The following C16orf96 variants were observed in gnomAD, a reference collection of about 807,000 sequenced individuals.
C16orf96 encodes chromosome 16 open reading frame 96.
Under a neutral mutation model 103.6 loss-of-function variants are expected in C16orf96, and 108 were observed. The ratio of observed to expected loss-of-function variants is 1.04; its 90% CI spans 0.89 to 1.22. The LOEUF is 1.22. Ranked by LOEUF, C16orf96 falls within the 50% of genes most tolerant of loss-of-function variation. C16orf96 has a pLI of 0.00. For synonymous variants in C16orf96, 566 were observed against 593.5 expected, an observed-to-expected ratio of 0.95 and a Z score of 0.67; for missense variants, 1,586 against 1,464.2, an observed-to-expected ratio of 1.08 and a Z score of -1.36.
chr16:4,547,624 TTCTC>T, the C16orf96 span, among the ~76,000 whole-genome samples: 1 of 150,726 alleles, frequency 6.6e-6, no homozygotes, highest in Non-Finnish European at 1.5e-5. Context: ...CTTTCTTTCT[TTCTC>T]TTTCTTTCTG....
the C16orf96 span, among the ~76,000 whole-genome samples, chr16:4,541,060 C>A: frequency 5.3e-5 from 8 of 152,070 alleles, no homozygotes; most frequent in Middle Eastern, 3.4e-3. Flanking sequence ...ACTATAGGTA[C>A]CTGCTACCAC....
Position 4,576,594 on chromosome 16 carries a change from C to A in C16orf96, c.2114C>A (p.Ala705Asp). 1.9e-6 allele frequency: 3 copies of A among 1,551,522 alleles called. No individual in the cohort carries two copies. Among genetic ancestry groups the A allele is most frequent in the Non-Finnish European group, 2.6e-6 (3 of 1,146,946 alleles). The change falls in exon 5 of 16, where the codon GCC becomes GAC. Residue 705 changes from alanine to aspartate, a missense_variant. Ala to Asp is a moderately radical substitution (Grantham distance 126). Transcript: ENST00000444310. The stretch of plus-strand genomic sequence containing the variant: ...CACGACTCTCTGAAGGAAGAATTTG[C>A]CCAGCTGTCCTGTAACCTGAACCAG... ...VKHDSLKEEF[A>D]QLSCNLNQRL...
chr16:4,558,776 A>G (rs2059295692), intron 1 of C16orf96, among the ~76,000 whole-genome samples: 1 of 152,068 alleles, frequency 6.6e-6, no homozygotes, highest in Non-Finnish European at 1.5e-5. Flanking sequence ...TTAGCTGGGC[A>G]TGCTTGCGTG....
chr16:4,579,896 C>G, intron 6 of C16orf96, 119 bp from the exon 7 acceptor site: 2 of 799,950 alleles, frequency 2.5e-6, no homozygotes, highest in South Asian at 3.3e-5. Context: ...CAGGCATGAG[C>G]CACCACGCCC....
At chr16:4,546,055 G>A in the C16orf96 span, among the ~76,000 whole-genome samples, 3 of 151,046 alleles carry the variant, frequency 2.0e-5, no homozygotes, top group Non-Finnish European at 2.9e-5. Flanking sequence ...TCAGCATGTT[G>A]GCCAGGCTGA....
chr16:4,580,833 T>C (rs1292432012), intron 7 of C16orf96, among the ~76,000 whole-genome samples: 1 of 148,418 alleles, frequency 6.7e-6, no homozygotes, highest in African/African-American at 2.5e-5. Flanking sequence ...TCTAGAAAAA[T>C]ACAAAATTAG....
At chr16:4,583,727 A>T (rs1375612347) in intron 7 of C16orf96, among the ~76,000 whole-genome samples, 3 of 152,050 alleles carry the variant, frequency 2.0e-5, no homozygotes, top group Admixed American at 6.6e-5. Context: ...GTTTGAAACC[A>T]GTCTGGCCAA....
intron 7 of C16orf96, among the ~76,000 whole-genome samples, chr16:4,586,390 C>T (rs1896929156): frequency 6.6e-6 from 1 of 152,190 alleles, no homozygotes; most frequent in African/African-American, 2.4e-5. Context: ...GCTAAAAGTC[C>T]AGAGTTCTGT....
In C16orf96 at chr16:4,592,481, A is replaced by G. The variant is rs528466370; in HGVS notation, c.2774+114A>G. ...ATGCACGCTGTGTGTCTACACATCCATATACAGCATTCTCTCCAGCCATCA... is the reference window on the plus strand; with the variant it reads ...ATGCACGCTGTGTGTCTACACATCCGTATACAGCATTCTCTCCAGCCATCA... On this transcript the variant is annotated intron_variant, in intron 11 of 15. Coordinates refer to ENST00000444310, the MANE Select transcript of C16orf96 (RefSeq NM_001145011.2). The G allele has an allele frequency of 1.4e-4, 173 of 1,208,740 alleles. 1 individual carries two copies. The East Asian group carries it at 3.3e-3, about 23-fold the overall frequency. 74.9% of individuals were successfully genotyped at this position (1,208,740 alleles called of 1,614,324 possible).
At chr16:4,588,096 G>T in intron 8 of C16orf96, 71 bp from the exon 9 acceptor site, 1 of 1,472,432 alleles carries the variant, frequency 6.8e-7, no homozygotes, top group Non-Finnish European at 9.2e-7. Flanking sequence ...GACCCAAGGG[G>T]TGTGATGTCT....
Position 4,575,897 on chromosome 16 carries a change from G to C in C16orf96, c.1417G>C (p.Ala473Pro), listed in dbSNP as rs751767108. 3.7e-5 allele frequency: 57 copies of C among 1,551,480 alleles called. 1 individual carries two copies. In the African/African-American group the frequency reaches 6.7e-4, roughly 18 times the overall value. Reference sequence around the variant, plus strand: ...CAGCCTAAGGGGCCTTCGGGAGAGGGCCCGCAAGGATGGGGCCCCCAAGGA... The same window carrying C: ...CAGCCTAAGGGGCCTTCGGGAGAGGCCCCGCAAGGATGGGGCCCCCAAGGA... ...VPSLRGLRER[A>P]RKDGAPKDRT... Residue 473 changes from alanine to proline, a missense_variant, in exon 5 of 16, where the codon GCC becomes CCC. Physicochemically the swap from Ala to Pro is conservative, Grantham distance 27. Transcript: ENST00000444310.
intron 7 of C16orf96, among the ~76,000 whole-genome samples, chr16:4,586,601 G>C (rs1896933604): frequency 6.6e-6 from 1 of 152,202 alleles, no homozygotes; most frequent in Admixed American, 6.5e-5. Context: ...GGAGTTGTGG[G>C]GATAGGACGT....
At chr16:4,541,591 C>T in the C16orf96 span, among the ~76,000 whole-genome samples, 2 of 152,250 alleles carry the variant, frequency 1.3e-5, no homozygotes, top group South Asian at 2.1e-4. Flanking sequence ...AATAGGGCAG[C>T]GCTGCCTACA....
intron 2 of C16orf96, 75 bp downstream of exon 2, chr16:4,571,740 C>T: frequency 1.5e-6 from 2 of 1,324,052 alleles, no homozygotes; most frequent in Non-Finnish European, 2.1e-6. Flanking sequence ...TGAGGAAAAT[C>T]TAGGAAGCTT....
chr16:4,548,119 G>A, the C16orf96 span, among the ~76,000 whole-genome samples: 38 of 152,222 alleles, frequency 2.5e-4, no homozygotes, highest in Admixed American at 5.9e-4. Context: ...AAGCCGCTCC[G>A]GGAGAATTCG....
chr16:4,574,079 C>T (rs1314418543), intron 2 of C16orf96, among the ~76,000 whole-genome samples: 2 of 152,160 alleles, frequency 1.3e-5, no homozygotes, highest in Admixed American at 1.3e-4. Context: ...ATGATCCACC[C>T]GCCTCAGCAT....
At chr16:4,562,592 A>G (rs994067397) in intron 1 of C16orf96, among the ~76,000 whole-genome samples, 1 of 152,046 alleles carries the variant, frequency 6.6e-6, no homozygotes, top group African/African-American at 2.4e-5. Context: ...TTTATTTTAC[A>G]CTAGGTGGTG....
chr16:4,557,586 G>T (rs2059279625), intron 1 of C16orf96, among the ~76,000 whole-genome samples: 1 of 152,184 alleles, frequency 6.6e-6, no homozygotes, highest in Non-Finnish European at 1.5e-5. Flanking sequence ...ACTAGATGGA[G>T]GTGGTAGTTA....
Position 4,556,808 on chromosome 16 carries a change from C to T in C16orf96, c.319C>T (p.Leu107=). 1.3e-6 allele frequency: 2 copies of T among 1,551,668 alleles called. No individual in the cohort carries two copies. The highest frequency in any genetic ancestry group is 1.7e-6 in the Non-Finnish European group (2 of 1,147,010). ...GCAGGACCTGCCCTCCACTGCCCAG[C>T]TGCTGGAAGCCAGCCAGGGCACTGC... is the stretch of plus-strand genomic sequence containing the variant. ...LLQDLPSTAQ[L]LEASQGTARP... is the part of the protein sequence containing the mutation. Residue 107 remains leucine, a synonymous_variant, in exon 1 of 16, where the codon CTG becomes TTG. Transcript: ENST00000444310.
Sources: gnomAD v4.1 joint callset for allele counts (sites outside exome capture counted in the v4.1 genomes callset) on GRCh38, gnomAD v4.1.1 for gene constraint, MANE v1.5 for transcripts, NCBI Gene and HGNC (gene_info 2026-07-23, HGNC 2026-07-21) for gene names.